The following PLCXD3 variants were observed in gnomAD, a reference collection of about 807,000 sequenced individuals.
PLCXD3 encodes PI-PLC X domain-containing protein 3.
In PLCXD3, 19 loss-of-function variants were observed where a neutral mutation model predicts 25.5. That is an observed-to-expected ratio of 0.75 (90% CI 0.52 to 1.09). The LOEUF is 1.09. PLCXD3 is among the 50% of genes least tolerant of loss of function. The probability of loss-of-function intolerance (pLI) is 0.00; values close to 1 mark genes in which losing one functional copy is unlikely to be tolerated. For missense variants in PLCXD3, 411 were observed against 388.1 expected, an observed-to-expected ratio of 1.06 and a Z score of -0.50; for synonymous variants, 174 against 137.6, an observed-to-expected ratio of 1.26 and a Z score of -1.85.
chr5:41,509,070 A>G (rs1192912190), intron 1 of PLCXD3, among the ~76,000 whole-genome samples: 1 of 152,198 alleles, frequency 6.6e-6, no homozygotes, highest in Admixed American at 6.5e-5. Flanking sequence ...CATCCACTTG[A>G]CTAACAACCA....
rs139009655 is a variant in PLCXD3, at chr5:41,316,497, T to C, written c.813-2727A>G. 4.1e-4 allele frequency among the ~76,000 whole-genome samples: 63 copies of C among 152,258 alleles called. No homozygotes were observed. In the East Asian group the frequency reaches 8.3e-3, roughly 20 times the overall value. On this transcript the variant is annotated intron_variant, in intron 2 of 2. Coordinates refer to ENST00000377801, the MANE Select transcript of PLCXD3 (RefSeq NM_001005473.3). ...AGCAGAGAGAAAAGTAAAGGGGACT[T>C]TGTCTTGCACCTTTGGTACCAACAC... is the stretch of plus-strand genomic sequence containing the variant.
intron 2 of PLCXD3, among the ~76,000 whole-genome samples, chr5:41,359,494 G>A (rs532632016): frequency 6.6e-6 from 1 of 152,090 alleles, no homozygotes; most frequent in African/African-American, 2.4e-5. Flanking sequence ...TTTTCTAGTC[G>A]ATGTGCATAC....
intron 1 of PLCXD3, among the ~76,000 whole-genome samples, chr5:41,443,579 G>A (rs995597018): frequency 1.3e-5 from 2 of 152,192 alleles, no homozygotes; most frequent in East Asian, 3.9e-4. Context: ...CCATTATATT[G>A]TTATTACTAT....
At chr5:41,433,280 C>T (rs1031369058) in intron 1 of PLCXD3, among the ~76,000 whole-genome samples, 2 of 152,192 alleles carry the variant, frequency 1.3e-5, no homozygotes, top group African/African-American at 4.8e-5. Context: ...ATGACACTAA[C>T]CTCATCTCCT....
At chr5:41,490,062 G>T (rs1034735185) in intron 1 of PLCXD3, among the ~76,000 whole-genome samples, 8 of 151,982 alleles carry the variant, frequency 5.3e-5, no homozygotes, top group African/African-American at 1.9e-4. Flanking sequence ...TATGATATTG[G>T]CTGTGGGTTT....
At position 41,496,119 on chromosome 5, in the gene PLCXD3, A is replaced by G. The variant is rs144161915; in HGVS notation, c.103+14305T>C. On this transcript the variant is annotated intron_variant, in intron 1 of 2. Coordinates refer to ENST00000377801, the MANE Select transcript of PLCXD3 (RefSeq NM_001005473.3). Reference sequence around the variant, plus strand: ...TATTCAAGAGCAGACTTGATCAAGCAGAAAAATATTGCTAACTTGAGGATA... The same window carrying G: ...TATTCAAGAGCAGACTTGATCAAGCGGAAAAATATTGCTAACTTGAGGATA... Among the ~76,000 whole-genome samples the G allele has an allele frequency of 4.3e-4, 66 of 152,276 alleles. 1 individual carries two copies. The East Asian group carries it at 7.1e-3, about 16-fold the overall frequency.
chr5:41,397,659 A>T (rs1746050764), intron 1 of PLCXD3, among the ~76,000 whole-genome samples: 1 of 152,126 alleles, frequency 6.6e-6, no homozygotes, highest in African/African-American at 2.4e-5. Context: ...AGATCCACTG[A>T]TAGCTTGCAA....
At chr5:41,449,554 G>A (rs574129293) in intron 1 of PLCXD3, among the ~76,000 whole-genome samples, 1 of 152,224 alleles carries the variant, frequency 6.6e-6, no homozygotes, top group South Asian at 2.1e-4. Context: ...TATTTGAAAG[G>A]TGATCATAAA....
intron 2 of PLCXD3, among the ~76,000 whole-genome samples, chr5:41,320,818 T>A (rs1013916183): frequency 3.9e-5 from 6 of 152,182 alleles, no homozygotes; most frequent in Non-Finnish European, 8.8e-5. Flanking sequence ...ATGTGATACA[T>A]CACATCAACA....
At chr5:41,322,781 C>A (rs1373402923) in intron 2 of PLCXD3, among the ~76,000 whole-genome samples, 2 of 151,212 alleles carry the variant, frequency 1.3e-5, no homozygotes, top group Non-Finnish European at 2.9e-5. Context: ...TCGAGGCCAT[C>A]CTGGCCAACA....
At chr5:41,490,230 A>T (rs1023316084) in intron 1 of PLCXD3, among the ~76,000 whole-genome samples, 1 of 152,296 alleles carries the variant, frequency 6.6e-6, no homozygotes, top group African/African-American at 2.4e-5. Flanking sequence ...TATATGCTGG[A>T]TTACATTTAT....
intron 2 of PLCXD3, among the ~76,000 whole-genome samples, chr5:41,318,796 A>G (rs1743374872): frequency 6.6e-6 from 1 of 152,154 alleles, no homozygotes; most frequent in Non-Finnish European, 1.5e-5. Flanking sequence ...ATCAAAAGAC[A>G]TAGCCTGGCT....
intron 2 of PLCXD3, among the ~76,000 whole-genome samples, chr5:41,324,315 C>T (rs1326033464): frequency 6.6e-6 from 1 of 152,102 alleles, no homozygotes; most frequent in Non-Finnish European, 1.5e-5. Context: ...GAAAGTATAT[C>T]CAGTCTAAAG....
At position 41,382,290 on chromosome 5, in the gene PLCXD3, C is replaced by T; in HGVS notation, c.348G>A (p.Leu116=). 3.1e-6 allele frequency: 5 copies of T among 1,613,648 alleles called. No homozygotes were observed. The highest frequency in any genetic ancestry group is 4.2e-6 in the Non-Finnish European group (5 of 1,179,730). ...GGCCTTCATTGACTTTGGCACTGAACAAACCATGAGCAAAATAGAGTTCAT... is the reference window on the plus strand; with the variant it reads ...GGCCTTCATTGACTTTGGCACTGAATAAACCATGAGCAAAATAGAGTTCAT... ...PDNELYFAHG[L]FSAKVNEGLE... The change falls in exon 2 of 3, where the codon TTG becomes TTA. Residue 116 remains leucine (L), a synonymous_variant. Transcript: ENST00000377801.
At chr5:41,348,948 C>A (rs762249203) in intron 2 of PLCXD3, among the ~76,000 whole-genome samples, 1 of 152,156 alleles carries the variant, frequency 6.6e-6, no homozygotes, top group Admixed American at 6.5e-5. Flanking sequence ...CAAATAATAA[C>A]CACACATCCA....
chr5:41,384,413 A>T (rs138616015), intron 1 of PLCXD3, among the ~76,000 whole-genome samples: 315 of 152,228 alleles, frequency 2.1e-3, no homozygotes, highest in African/African-American at 7.5e-3. Flanking sequence ...TGATTAAATG[A>T]TCTAAGATTA....
intron 2 of PLCXD3, among the ~76,000 whole-genome samples, chr5:41,372,131 A>G (rs541555621): frequency 3.8e-4 from 58 of 152,084 alleles, no homozygotes; most frequent in African/African-American, 1.4e-3. Context: ...TATACATACT[A>G]GTTATATTTT....
chr5:41,509,336 C>T (rs745416362), intron 1 of PLCXD3, among the ~76,000 whole-genome samples: 1 of 152,068 alleles, frequency 6.6e-6, no homozygotes, highest in Non-Finnish European at 1.5e-5. Flanking sequence ...CTGAAAAGAT[C>T]AAGTGTGTGC....
chr5:41,402,051 G>T (rs1475347841), intron 1 of PLCXD3, among the ~76,000 whole-genome samples: 1 of 151,676 alleles, frequency 6.6e-6, no homozygotes, highest in Non-Finnish European at 1.5e-5. Context: ...ACCAGTTTTT[G>T]TGTCATTGTT....
Sources: gnomAD v4.1 joint callset for allele counts (sites outside exome capture counted in the v4.1 genomes callset) on GRCh38, gnomAD v4.1.1 for gene constraint, MANE v1.5 for transcripts, NCBI Gene and HGNC (gene_info 2026-07-23, HGNC 2026-07-21) for gene names.